Variants in TRIM66 observed in about 807,000 individuals in gnomAD.
The protein encoded by TRIM66 is tripartite motif-containing protein 66.
TRIM66 carries 99 observed loss-of-function variants against 148.2 expected under a neutral mutation model. The ratio of observed to expected loss-of-function variants is 0.67; its 90% CI spans 0.57 to 0.79. The LOEUF (loss-of-function observed/expected upper bound fraction) is 0.79. TRIM66 is among the 30% of genes least tolerant of loss of function. The pLI, the probability that TRIM66 is intolerant of heterozygous loss-of-function variation, is 0.00. For missense variants in TRIM66, 1,666 were observed against 1,697.9 expected (o/e 0.98, Z 0.33); for synonymous variants, 616 against 635.9 (o/e 0.97, Z 0.47).
At chr11:8,620,799 A>T (rs759968015) in intron 20 of TRIM66, among the ~76,000 whole-genome samples, 61 of 152,244 alleles carry the variant, frequency 4.0e-4, no homozygotes, top group Non-Finnish European at 7.9e-4. Flanking sequence ...ACAAATCCAC[A>T]TGCAAGAAGA....
chr11:8,656,939 G>A (rs942779635), intron 6 of TRIM66, among the ~76,000 whole-genome samples: 2 of 152,194 alleles, frequency 1.3e-5, no homozygotes, highest in East Asian at 1.9e-4. Flanking sequence ...ACTGAGCTGG[G>A]AGCCAGACTC....
chr11:8,660,711 T>C (rs1030326944), intron 6 of TRIM66, among the ~76,000 whole-genome samples: 2 of 152,250 alleles, frequency 1.3e-5, no homozygotes, highest in Non-Finnish European at 2.9e-5. Flanking sequence ...TAATTCTGAT[T>C]ACGGGGATTT....
In TRIM66 at chr11:8,624,696, A is replaced by C; in HGVS notation, c.2826+17T>G. Reference sequence around the variant, plus strand: ...GATGAACAAAGGAAGTTTGGATAGCATTTCCCCAGGACTTACCTTACACAG... The same window carrying C: ...GATGAACAAAGGAAGTTTGGATAGCCTTTCCCCAGGACTTACCTTACACAG... On this transcript the variant is annotated intron_variant, in intron 16 of 24. Transcript: ENST00000646038. 6.7e-7 allele frequency: 1 copy of C among 1,486,544 alleles called. No homozygotes were observed. The highest frequency in any genetic ancestry group is 9.0e-7 in the Non-Finnish European group (1 of 1,115,474). The allele number at this position is 1,486,544 out of a possible 1,614,324, so 92.1% of individuals were successfully genotyped here. A position where few individuals can be genotyped will look rare whatever the true frequency, so the allele number is the denominator to read the frequency against.
intron 1 of TRIM66, among the ~76,000 whole-genome samples, chr11:8,682,239 G>C (rs1253078573): frequency 1.3e-5 from 2 of 152,216 alleles, no homozygotes; most frequent in African/African-American, 4.8e-5. Flanking sequence ...TGTGAGAGCG[G>C]GAGAAGGCAT....
intron 6 of TRIM66, among the ~76,000 whole-genome samples, chr11:8,671,435 C>A (rs2038924373): frequency 6.6e-6 from 1 of 152,140 alleles, no homozygotes; most frequent in African/African-American, 2.4e-5. Context: ...TCCTGACTAA[C>A]CCTAGGAGGC....
chr11:8,658,788 G>C lies in TRIM66; in HGVS notation c.341-6885C>G. On this transcript the variant is annotated intron_variant, in intron 6 of 24. Coordinates refer to ENST00000646038, the MANE Select transcript of TRIM66 (RefSeq NM_001388022.1). ...CCCAAGATATCCCTCCATGCCCCCG[G>C]CACTGAAGGAGGGTGTGGGGGGGCC... The C allele has an allele frequency of 4.1e-6, 4 of 985,278 alleles. No individual in the cohort carries two copies. In the South Asian group the frequency reaches 1.4e-4, roughly 35 times the overall value. The allele number at this position is 985,278 out of a possible 1,614,324, so 61.0% of individuals were successfully genotyped here.
rs141417246 is a variant in TRIM66 at position 8,642,290 on chromosome 11, G to C, written c.1222+719C>G. On this transcript the variant is annotated intron_variant, in intron 13 of 24. Coordinates refer to ENST00000646038, the MANE Select transcript of TRIM66 (RefSeq NM_001388022.1). ...AGTAGGTGGCCATCAAAGGTCTGCT[G>C]AGTTAAATCAAAGGAAAGAGGGAAG... Among the ~76,000 whole-genome samples, 3 of 152,336 alleles carry C rather than the reference G, an allele frequency of 2.0e-5. No individual in the cohort carries two copies. In the East Asian group the frequency reaches 5.8e-4, roughly 29 times the overall value.
chr11:8,646,079 T>C (rs180963397), intron 11 of TRIM66, among the ~76,000 whole-genome samples, 192 bp from the exon 12 acceptor site: 6 of 152,194 alleles, frequency 3.9e-5, no homozygotes, highest in Non-Finnish European at 8.8e-5. Flanking sequence ...GTGGGAGATT[T>C]TATAGTGCAA....
At chr11:8,655,762 A>G (rs2037772346) in intron 6 of TRIM66, among the ~76,000 whole-genome samples, 1 of 152,200 alleles carries the variant, frequency 6.6e-6, no homozygotes, top group Non-Finnish European at 1.5e-5. Flanking sequence ...AGCCTGGCCA[A>G]CAGAGTGAGA....
chr11:8,666,772 T>C (rs56321966), intron 6 of TRIM66, among the ~76,000 whole-genome samples: 6,358 of 152,244 alleles, frequency 0.042, 437 homozygotes, highest in African/African-American at 0.14. Context: ...TTCATTGCAA[T>C]TAGAATAACT....
chr11:8,682,534 G>A (rs2039491529), intron 1 of TRIM66, 67 bp downstream of exon 1: 1 of 557,904 alleles, frequency 1.8e-6, no homozygotes. Flanking sequence ...GCGGCGTGCA[G>A]TACAGCACAC....
At chr11:8,636,618 C>G (rs980490054) in intron 15 of TRIM66, among the ~76,000 whole-genome samples, 1 of 152,066 alleles carries the variant, frequency 6.6e-6, no homozygotes, top group Admixed American at 6.5e-5. Flanking sequence ...TACCTATCAT[C>G]AATTAGACAC....
rs1441123056 is a variant in TRIM66, at chr11:8,622,826, G to C, written c.3070C>G (p.Gln1024Glu). 1.3e-6 allele frequency: 2 copies of C among 1,551,926 alleles called. No homozygotes were observed. The highest frequency in any genetic ancestry group is 2.0e-5 in the Admixed American group (1 of 51,000). ...GALELDAKEN[Q>E]SIRAFNSEHK... ...CCAGAAGGCTGTTACCTGATGCTCT[G>C]GTTCTCTTTTGCATCCAGCTCTAGG... Residue 1024 changes from glutamine (Q) to glutamate (E), a missense_variant, in exon 18 of 25, where the codon CAG (glutamine) becomes GAG (glutamate). Physicochemically the swap from Gln to Glu is conservative, Grantham distance 29. Transcript: ENST00000646038.
In TRIM66 at chr11:8,646,647, G is replaced by A. The variant is rs905433622; in HGVS notation, c.843-86C>T. On this transcript the variant is annotated intron_variant, in intron 10 of 24. Transcript: ENST00000646038. The stretch of plus-strand genomic sequence containing the variant: ...AGACAGCAAACATAAGAACCAACTT[G>A]GAGGCTGCCTACTGAGATCAGGGCC... 4.7e-6 allele frequency: 5 copies of A among 1,054,714 alleles called. No homozygotes were observed. The African/African-American group carries it at 6.3e-5, about 13-fold the overall frequency. 65.3% of individuals were successfully genotyped at this position (1,054,714 alleles called of 1,614,324 possible). A position where few individuals can be genotyped will look rare whatever the true frequency, so the allele number is the denominator to read the frequency against.
intron 6 of TRIM66, among the ~76,000 whole-genome samples, chr11:8,668,701 T>A (rs1002751727): frequency 6.6e-6 from 1 of 152,082 alleles, no homozygotes; most frequent in Non-Finnish European, 1.5e-5. Flanking sequence ...TTGTCCTGCC[T>A]CAGCCTCCCG....
At chr11:8,673,453 TGA>T (rs1324707109) in intron 4 of TRIM66, among the ~76,000 whole-genome samples, 1 of 152,186 alleles carries the variant, frequency 6.6e-6, no homozygotes, top group Admixed American at 6.5e-5. Context: ...GTTAATGAGC[TGA>T]GAGAGGGGCA....
intron 1 of TRIM66, among the ~76,000 whole-genome samples, chr11:8,682,224 A>T (rs990259760): frequency 3.9e-5 from 6 of 152,244 alleles, no homozygotes; most frequent in African/African-American, 1.4e-4. Flanking sequence ...GTGCCCACTC[A>T]GAAGTGTGAG....
chr11:8,659,492 C>T (rs1264764238), intron 6 of TRIM66, among the ~76,000 whole-genome samples: 1 of 152,138 alleles, frequency 6.6e-6, no homozygotes, highest in East Asian at 1.9e-4. Context: ...CTGTCATGAA[C>T]AGAGGTAGGT....
chr11:8,648,344 AT>A (rs2037051444), intron 9 of TRIM66, 71 bp downstream of exon 9: 1 of 1,519,982 alleles, frequency 6.6e-7, no homozygotes, highest in Non-Finnish European at 8.8e-7. Context: ...ATGCACGGGG[AT>A]TCCCAGAGCT....
Sources: allele counts gnomAD v4.1 joint callset (sites outside exome capture counted in the v4.1 genomes callset), GRCh38; gene constraint gnomAD v4.1.1; transcripts MANE v1.5; gene names NCBI Gene and HGNC (gene_info 2026-07-23, HGNC 2026-07-21).